TMEM181: variants seen among roughly 807,000 people sequenced by gnomAD.
TMEM181 encodes G protein-coupled receptor 178.
TMEM181 carries 39 observed loss-of-function variants against 71.9 expected under a neutral mutation model. The observed-to-expected ratio is 0.54, with a 90% CI of 0.42 to 0.71. The LOEUF (loss-of-function observed/expected upper bound fraction) is 0.71. Ranked by LOEUF, TMEM181 falls within the 30% of genes least tolerant of loss-of-function variation. The probability of loss-of-function intolerance (pLI) is 0.00; values close to 1 mark genes in which losing one functional copy is unlikely to be tolerated. For missense variants in TMEM181, 595 were observed against 583.0 expected (o/e 1.02, Z -0.21); for synonymous variants, 245 against 228.8 (o/e 1.07, Z -0.64).
chr6:158,611,855 A>G (rs1290725621), intron 10 of TMEM181, among the ~76,000 whole-genome samples: 1 of 152,234 alleles, frequency 6.6e-6, no homozygotes, highest in East Asian at 1.9e-4. Flanking sequence ...AGAGTATTTA[A>G]GGGTTCAGGG....
chr6:158,608,662 G>A lies in TMEM181; in HGVS notation c.808G>A (p.Glu270Lys). 1.9e-6 allele frequency: 3 copies of A among 1,603,916 alleles called. No homozygotes were observed. The highest frequency in any genetic ancestry group is 2.5e-6 in the Non-Finnish European group (3 of 1,177,368). ...CVYHGIRVQG[E>K]RKCLTFYLPK... ...CTTCTTATTTTTTTCTTTTTAGGGA[G>A]AAAGAAAGTGTTTAACTTTCTATTT... The change falls in exon 10 of 17, where the codon GAA (glutamate) becomes AAA (lysine). Residue 270 changes from glutamate to lysine, a missense_variant. Physicochemically the swap from Glu to Lys is moderately conservative, Grantham distance 56. Transcript: ENST00000684151.
chr6:158,584,080 A>G lies in TMEM181; in HGVS notation c.259+36A>G. The G allele has an allele frequency of 4.6e-6, 7 of 1,532,800 alleles. No homozygotes were observed. In the South Asian group the frequency reaches 6.1e-5, roughly 13 times the overall value. 94.9% of individuals were successfully genotyped at this position (1,532,800 alleles called of 1,614,324 possible). A position where few individuals can be genotyped will look rare whatever the true frequency, so the allele number is the denominator to read the frequency against. On this transcript the variant is annotated intron_variant, in intron 4 of 16. Coordinates refer to ENST00000684151, the MANE Select transcript of TMEM181 (RefSeq NM_001376852.1). ...TGACATTTTGGAATGATTTTTCATTATACGAAGAAACATCGTATTTTAGAT... is the reference window on the plus strand; with the variant it reads ...TGACATTTTGGAATGATTTTTCATTGTACGAAGAAACATCGTATTTTAGAT...
chr6:158,610,045 G>A (rs1736214429), intron 10 of TMEM181: 1 of 220,664 alleles, frequency 4.5e-6, no homozygotes, highest in South Asian at 8.2e-5. Context: ...TGTAGTCAGA[G>A]AACACACATT....
rs1387178765 is a variant in TMEM181, at chr6:158,634,720, A to C, written c.*2832A>C. The stretch of plus-strand genomic sequence containing the variant: ...TAAGGTTGTTAATGTACATAATTGC[A>C]GATTGCAATAAAAGCTTAGATACAT... On this transcript the variant is annotated 3_prime_UTR_variant, in exon 17 of 17. Coordinates refer to ENST00000684151, the MANE Select transcript of TMEM181 (RefSeq NM_001376852.1). The C allele has an allele frequency of 1.3e-5, 2 of 152,230 alleles. No individual in the cohort carries two copies. Among genetic ancestry groups the C allele is most frequent in the Admixed American group, 1.3e-4 (2 of 15,290 alleles). The allele number at this position is 152,230 out of a possible 1,614,324, so 9.4% of individuals were successfully genotyped here. A position where few individuals can be genotyped will look rare whatever the true frequency, so the allele number is the denominator to read the frequency against.
chr6:158,563,880 C>T (rs1782333833), intron 1 of TMEM181, among the ~76,000 whole-genome samples: 1 of 152,174 alleles, frequency 6.6e-6, no homozygotes, highest in African/African-American at 2.4e-5. Flanking sequence ...CTCCCAGGTT[C>T]AAGCAATTCT....
intron 16 of TMEM181, 88 bp downstream of exon 16, chr6:158,631,477 T>G (rs1417676700): frequency 2.8e-6 from 4 of 1,416,098 alleles, no homozygotes; most frequent in Non-Finnish European, 4.0e-6. Context: ...CTTCTAAAAT[T>G]ATTTTCAAGG....
At position 158,614,913 on chromosome 6, in the gene TMEM181, G is replaced by C. The variant is rs147008521; in HGVS notation, c.896+6163G>C. Among the ~76,000 whole-genome samples the C allele has an allele frequency of 1.6e-3, 250 of 152,296 alleles. 1 individual carries two copies. The highest frequency in any genetic ancestry group is 5.6e-3 in the African/African-American group (231 of 41,558). ...TGATGAACATTTGGGTTGGTTCCAAGTCTTTGCTGTTGGGAATAGTGCTGC... is the reference window on the plus strand; with the variant it reads ...TGATGAACATTTGGGTTGGTTCCAACTCTTTGCTGTTGGGAATAGTGCTGC... On this transcript the variant is annotated intron_variant, in intron 10 of 16. Coordinates refer to ENST00000684151, the MANE Select transcript of TMEM181 (RefSeq NM_001376852.1).
rs1786703351 is a variant in TMEM181, at chr6:158,632,185, T to C, written c.*297T>C. 2 of 388,664 alleles carry C rather than the reference T, an allele frequency of 5.1e-6. No homozygotes were observed. The highest frequency in any genetic ancestry group is 9.5e-6 in the Non-Finnish European group (2 of 209,464). The allele number at this position is 388,664 out of a possible 1,614,324, so 24.1% of individuals were successfully genotyped here. On this transcript the variant is annotated 3_prime_UTR_variant, in exon 17 of 17. Transcript: ENST00000684151. ...TGATGAGGAAATTTCACGTTTTTAG[T>C]ACAGTGAATTATGTACTTTTTTTTC...
chr6:158,585,895 G>T (rs530756467), intron 5 of TMEM181, among the ~76,000 whole-genome samples: 1 of 152,258 alleles, frequency 6.6e-6, no homozygotes, highest in African/African-American at 2.4e-5. Flanking sequence ...CACAATCACA[G>T]CTCACTGCAG....
At chr6:158,564,246 G>A (rs1417472424) in intron 1 of TMEM181, among the ~76,000 whole-genome samples, 1 of 152,362 alleles carries the variant, frequency 6.6e-6, no homozygotes, top group Non-Finnish European at 1.5e-5. Flanking sequence ...GTGAATGTGA[G>A]GGAGTGGTGG....
At chr6:158,623,882 T>C (rs965748787) in intron 11 of TMEM181, among the ~76,000 whole-genome samples, 1 of 152,118 alleles carries the variant, frequency 6.6e-6, no homozygotes, top group Non-Finnish European at 1.5e-5. Flanking sequence ...TGCGTCAGCC[T>C]TCTGAGTAAC....
chr6:158,633,023 T>A lies in TMEM181; in HGVS notation c.*1135T>A, dbSNP rs1296043688. 1 of 152,230 alleles carries A rather than the reference T, an allele frequency of 6.6e-6. No homozygotes were observed. Among genetic ancestry groups the A allele is most frequent in the South Asian group, 2.1e-4 (1 of 4,832 alleles). 9.4% of individuals were successfully genotyped at this position (152,230 alleles called of 1,614,324 possible). On this transcript the variant is annotated 3_prime_UTR_variant, in exon 17 of 17. Coordinates refer to ENST00000684151, the MANE Select transcript of TMEM181 (RefSeq NM_001376852.1). ...GGTCAAGGCTGCAGTGAGCCATGAT[T>A]GCACCACTGCACTCCAGCCTGGGTG...
At chr6:158,558,100 G>T (rs1781971950), upstream of TMEM181, among the ~76,000 whole-genome samples, 1 of 152,212 alleles carries the variant, frequency 6.6e-6, no homozygotes, top group Non-Finnish European at 1.5e-5. Flanking sequence ...TGACAGGAAG[G>T]AATTGCCAGG....
Position 158,605,130 on chromosome 6 carries a change from A to AGTGTGTG in TMEM181, c.493-137_493-136insGTGTGTG, listed in dbSNP as rs1562302773. The AGTGTGTG allele has an allele frequency of 4.8e-3, 1,014 of 210,556 alleles. 2 individuals carry two copies. The highest frequency in any genetic ancestry group is 0.014 in the South Asian group (267 of 19,002). 13.0% of individuals were successfully genotyped at this position (210,556 alleles called of 1,614,324 possible). The stretch of plus-strand genomic sequence containing the variant: ...CTCCATATCCAAAAAAAAAAAAAAA[A>AGTGTGTG]AGTGTGTGTGTGTGTGTGTGTGTGT... On this transcript the variant is annotated intron_variant, in intron 6 of 16. Coordinates refer to ENST00000684151, the MANE Select transcript of TMEM181 (RefSeq NM_001376852.1).
rs1371473950 is a variant in TMEM181 at position 158,608,373 on chromosome 6, C to T, written c.714C>T (p.Leu238=). ...FPLSFLVNSW[L]PGMLDDLFQS... is the part of the protein sequence containing the mutation. Reference sequence around the variant, plus strand: ...TCTCCTTCCTGGTCAACAGCTGGCTCCCAGGGATGCTGGATGACCTCTTTC... The same window carrying T: ...TCTCCTTCCTGGTCAACAGCTGGCTTCCAGGGATGCTGGATGACCTCTTTC... Residue 238 remains leucine, a synonymous_variant, in exon 9 of 17, where the codon CTC becomes CTT. Transcript: ENST00000684151. 2 of 1,614,112 alleles carry T rather than the reference C, an allele frequency of 1.2e-6. No homozygotes were observed. Among genetic ancestry groups the T allele is most frequent in the African/African-American group, 1.3e-5 (1 of 74,934 alleles).
chr6:158,606,518 G>C (rs1784967519), intron 7 of TMEM181, among the ~76,000 whole-genome samples: 1 of 152,210 alleles, frequency 6.6e-6, no homozygotes, highest in Non-Finnish European at 1.5e-5. Flanking sequence ...TTCTTAAAAA[G>C]AGGGAAGATG....
At chr6:158,583,352 GT>G (rs1246088707) in intron 3 of TMEM181, among the ~76,000 whole-genome samples, 1 of 152,056 alleles carries the variant, frequency 6.6e-6, no homozygotes, top group Non-Finnish European at 1.5e-5. Flanking sequence ...TTCCAAGATG[GT>G]TTTTTTCTTG....
intron 1 of TMEM181, among the ~76,000 whole-genome samples, chr6:158,537,258 G>T (rs535735529): frequency 5.6e-4 from 85 of 152,220 alleles, no homozygotes; most frequent in African/African-American, 1.9e-3. Flanking sequence ...CTCACGCGGC[G>T]CAGTCTGGGG....
chr6:158,585,892 A>G (rs181075559), intron 5 of TMEM181, among the ~76,000 whole-genome samples: 218 of 152,200 alleles, frequency 1.4e-3, no homozygotes, highest in Non-Finnish European at 2.8e-3. Flanking sequence ...TGGCACAATC[A>G]CAGCTCACTG....
Sources: allele counts gnomAD v4.1 joint callset (sites outside exome capture counted in the v4.1 genomes callset), GRCh38; gene constraint gnomAD v4.1.1; transcripts MANE v1.5; gene names NCBI Gene and HGNC (gene_info 2026-07-23, HGNC 2026-07-21).